Variants in CFAP44 observed in about 807,000 individuals in gnomAD.
The protein encoded by CFAP44 is cilia and flagella associated protein 44.
Under a neutral mutation model 216.2 loss-of-function variants are expected in CFAP44, and 134 were observed. The ratio of observed to expected loss-of-function variants is 0.62; its 90% CI spans 0.54 to 0.72. CFAP44 has a LOEUF of 0.72. Ranked by LOEUF, CFAP44 falls within the 30% of genes least tolerant of loss-of-function variation. The pLI is 0.00. For missense variants in CFAP44, 2,035 were observed against 2,182.1 expected, an observed-to-expected ratio of 0.93 and a Z score of 1.34; for synonymous variants, 700 against 727.6, an observed-to-expected ratio of 0.96 and a Z score of 0.61.
chr3:113,308,457 T>C (rs1950006971), intron 28 of CFAP44, among the ~76,000 whole-genome samples, 189 bp from the exon 29 acceptor site: 1 of 152,216 alleles, frequency 6.6e-6, no homozygotes, highest in Admixed American at 6.5e-5. Context: ...TTACTATCAA[T>C]GCAAGTCAGA....
At position 113,372,280 on chromosome 3, in the gene CFAP44, G is replaced by A. The variant is rs147845586; in HGVS notation, c.2444+1131C>T. Among the ~76,000 whole-genome samples, 295 of 152,252 alleles carry A rather than the reference G, an allele frequency of 1.9e-3. 3 individuals carry two copies. The highest frequency in any genetic ancestry group is 5.8e-3 in the African/African-American group (241 of 41,548). On this transcript the variant is annotated intron_variant, in intron 18 of 34. Transcript: ENST00000393845. ...TGCTACTATAAGGACACATGCATAC[G>A]TATGTTTATTGCAGCACCATTCACA...
At chr3:113,323,262 C>T (rs900313527) in intron 28 of CFAP44, among the ~76,000 whole-genome samples, 1 of 152,132 alleles carries the variant, frequency 6.6e-6, no homozygotes, top group Non-Finnish European at 1.5e-5. Flanking sequence ...TACATATACA[C>T]CATTGAATAC....
In CFAP44 at chr3:113,296,810, A is replaced by G. The variant is rs1303760012; in HGVS notation, c.5153T>C (p.Leu1718Pro). The change falls in exon 33 of 35, where the codon CTT becomes CCT. Residue 1718 changes from leucine (L) to proline (P), a missense_variant. This residue lies in a region of CFAP44 where 1,883 missense variants were observed against 2,023.7 expected (regional missense o/e 0.93). Transcript: ENST00000393845. ...RVVNLEALQT[L>P]SVNTTLEELK... is the part of the protein sequence containing the mutation. ...TTCTTCAAGTGTTGTATTAACAGAA[A>G]GCGTTTGAAGGGCTTCTAGATTTAC... The G allele has an allele frequency of 1.0e-5, 16 of 1,537,470 alleles. No individual in the cohort carries two copies. The highest frequency in any genetic ancestry group is 1.4e-5 in the Non-Finnish European group (16 of 1,146,990).
intron 22 of CFAP44, among the ~76,000 whole-genome samples, chr3:113,346,663 T>G (rs1045340585): frequency 2.0e-5 from 3 of 149,992 alleles, no homozygotes; most frequent in African/African-American, 7.4e-5. Context: ...TAAAGGATTG[T>G]AAGTGCACCA....
At chr3:113,432,585 C>T (rs111384931) in intron 2 of CFAP44, among the ~76,000 whole-genome samples, 2 of 152,250 alleles carry the variant, frequency 1.3e-5, no homozygotes, top group African/African-American at 4.8e-5. Flanking sequence ...TACTTTTAGA[C>T]AGTGTTTATT....
intron 2 of CFAP44, among the ~76,000 whole-genome samples, chr3:113,431,906 C>A (rs1319939682): frequency 1.3e-5 from 2 of 152,156 alleles, no homozygotes; most frequent in African/African-American, 4.8e-5. Flanking sequence ...AAAGAGCCAG[C>A]CATCTTTCAA....
chr3:113,350,609 C>T (rs569541462), intron 22 of CFAP44, among the ~76,000 whole-genome samples: 4 of 152,324 alleles, frequency 2.6e-5, no homozygotes, highest in South Asian at 2.1e-4. Flanking sequence ...GGGTGTAGCC[C>T]GAAAGCACTG....
chr3:113,354,541 A>G (rs1950476758), intron 22 of CFAP44, among the ~76,000 whole-genome samples: 1 of 152,132 alleles, frequency 6.6e-6, no homozygotes, highest in Admixed American at 6.5e-5. Context: ...ACTTCCCTGT[A>G]TGACTCAGCA....
intron 4 of CFAP44, among the ~76,000 whole-genome samples, chr3:113,424,444 A>G (rs1934904587): frequency 6.6e-6 from 1 of 152,208 alleles, no homozygotes; most frequent in African/African-American, 2.4e-5. Context: ...TCAAAACAAA[A>G]CAGAACAAAA....
chr3:113,427,334 C>T lies in CFAP44; in HGVS notation c.106G>A (p.Val36Ile), dbSNP rs746588474. The T allele has an allele frequency of 1.3e-6, 2 of 1,590,850 alleles. No homozygotes were observed. Among genetic ancestry groups the T allele is most frequent in the Non-Finnish European group, 1.7e-6 (2 of 1,173,330 alleles). Residue 36 changes from valine (V) to isoleucine (I), a missense_variant, in exon 3 of 35, where the codon GTT becomes ATT. Val to Ile is a conservative substitution (Grantham distance 29). Around this residue, in one of 3 missense-constraint regions of CFAP44, gnomAD observed 149 missense variants for 141.8 expected, o/e 1.05. Transcript: ENST00000393845. The stretch of plus-strand genomic sequence containing the variant: ...TCTAAAAATGTGTTATCTTCTTGAA[C>T]AGGAGCTATTAAAATTTGTTTTAAT... The part of the protein sequence containing the change: ...RSSKSESRSP[V>I]QEDNTFLEDD...
At chr3:113,332,267 A>G (rs1239122477) in intron 25 of CFAP44, among the ~76,000 whole-genome samples, 1 of 152,180 alleles carries the variant, frequency 6.6e-6, no homozygotes, top group Non-Finnish European at 1.5e-5. Flanking sequence ...AAACAATCCA[A>G]ATGGTCATTA....
At position 113,401,167 on chromosome 3, in the gene CFAP44, A is replaced by C. The variant is rs990414893; in HGVS notation, c.1374+73T>G. The stretch of plus-strand genomic sequence containing the variant: ...TGATGAAATATGGAGAAAGATAAAG[A>C]ATACTTTAAAGACAAATAACAAAAG... On this transcript the variant is annotated intron_variant, in intron 11 of 34. Coordinates refer to ENST00000393845, the MANE Select transcript of CFAP44 (RefSeq NM_001164496.2). 1.2e-5 allele frequency: 16 copies of C among 1,366,638 alleles called. No homozygotes were observed. In the Admixed American group the frequency reaches 3.8e-4, roughly 32 times the overall value. The allele number at this position is 1,366,638 out of a possible 1,614,324, so 84.7% of individuals were successfully genotyped here. A position where few individuals can be genotyped will look rare whatever the true frequency, so the allele number is the denominator to read the frequency against.
At chr3:113,362,819 G>C in intron 21 of CFAP44, 1 of 1,037,264 alleles carries the variant, frequency 9.6e-7, no homozygotes, top group Non-Finnish European at 1.2e-6. Context: ...TTATACTTCA[G>C]TGTATCTGTT....
In CFAP44 at chr3:113,374,791, C is replaced by T. The variant is rs1026450851; in HGVS notation, c.2299-1235G>A. ...CTAGGATTGCAGGTTTGAGCCACTC[C>T]GTCCACCTAATTTTTTCTATTTTTA... On this transcript the variant is annotated intron_variant, in intron 17 of 34. Coordinates refer to ENST00000393845, the MANE Select transcript of CFAP44 (RefSeq NM_001164496.2). Among the ~76,000 whole-genome samples the T allele has an allele frequency of 5.3e-5, 8 of 152,102 alleles. No homozygotes were observed. In the South Asian group the frequency reaches 8.3e-4, roughly 16 times the overall value.
At chr3:113,315,049 A>G (rs1293291958) in intron 28 of CFAP44, among the ~76,000 whole-genome samples, 2 of 152,068 alleles carry the variant, frequency 1.3e-5, no homozygotes, top group African/African-American at 4.8e-5. Flanking sequence ...ATAAACAGAA[A>G]ATAAAAATTA....
chr3:113,386,678 C>G (rs1365279433), intron 15 of CFAP44, among the ~76,000 whole-genome samples: 1 of 152,082 alleles, frequency 6.6e-6, no homozygotes, highest in Non-Finnish European at 1.5e-5. Flanking sequence ...TTGACCTCCC[C>G]ACAGGAACAC....
intron 15 of CFAP44, among the ~76,000 whole-genome samples, chr3:113,393,253 T>C (rs1487948467): frequency 1.3e-5 from 2 of 152,196 alleles, no homozygotes; most frequent in Non-Finnish European, 2.9e-5. Flanking sequence ...GAAATACAAG[T>C]GCTAGCAAGC....
At chr3:113,293,362 C>T (rs1407233270) in intron 34 of CFAP44, among the ~76,000 whole-genome samples, 2 of 152,224 alleles carry the variant, frequency 1.3e-5, no homozygotes, top group Non-Finnish European at 2.9e-5. Flanking sequence ...AATTTCAAAA[C>T]TAACTTCACC....
At chr3:113,370,751 G>A (rs7618941) in intron 18 of CFAP44, among the ~76,000 whole-genome samples, 12,588 of 152,064 alleles carry the variant, frequency 0.083, 631 homozygotes, top group East Asian at 0.15. Flanking sequence ...AAGAGAAAGA[G>A]ATAAAGGATA....
Sources: gnomAD v4.1 joint callset for allele counts (sites outside exome capture counted in the v4.1 genomes callset) on GRCh38, gnomAD v4.1.1 for gene constraint, gnomAD v4.1.1 regional missense constraint, MANE v1.5 for transcripts, NCBI Gene and HGNC (gene_info 2026-07-23, HGNC 2026-07-21) for gene names.